The following C1QTNF3 variants were observed in gnomAD, a reference collection of about 807,000 sequenced individuals.
C1QTNF3 encodes the protein complement C1q tumor necrosis factor-related protein 3.
C1QTNF3 carries 26 observed loss-of-function variants against 32.6 expected under a neutral mutation model. That is an observed-to-expected ratio of 0.80 (90% CI 0.58 to 1.11). The LOEUF is 1.11. Among genes scored for constraint, C1QTNF3 ranks in the 50% least tolerant of loss-of-function variants. The probability of loss-of-function intolerance (pLI) is 0.00; values close to 1 mark genes in which losing one functional copy is unlikely to be tolerated. For synonymous variants in C1QTNF3, 155 were observed against 146.0 expected, an observed-to-expected ratio of 1.06 and a Z score of -0.44; for missense variants, 362 against 398.2, an observed-to-expected ratio of 0.91 and a Z score of 0.77.
chr5:34,153,989 T>G, the C1QTNF3 span, among the ~76,000 whole-genome samples: 1 of 151,396 alleles, frequency 6.6e-6, no homozygotes, highest in Non-Finnish European at 1.5e-5. Flanking sequence ...TAGTATAGAT[T>G]AATCACATAA....
chr5:34,211,141 A>G, the C1QTNF3 span, among the ~76,000 whole-genome samples: 3 of 151,470 alleles, frequency 2.0e-5, no homozygotes, highest in Non-Finnish European at 4.4e-5. Context: ...TTAGTTTCAT[A>G]TATGTACACA....
At chr5:34,168,368 G>T in the C1QTNF3 span, 1 of 150,972 alleles carries the variant, frequency 6.6e-6, no homozygotes, top group South Asian at 2.1e-4. Context: ...AACTGAATTT[G>T]CCAAAATGGG....
the C1QTNF3 span, among the ~76,000 whole-genome samples, chr5:34,236,077 C>T: frequency 2.6e-5 from 4 of 152,148 alleles, no homozygotes; most frequent in African/African-American, 4.8e-5. Context: ...CAGAAGAGTG[C>T]ATGTTGGGAT....
chr5:34,058,467 G>A, the C1QTNF3 span, among the ~76,000 whole-genome samples: 3 of 152,174 alleles, frequency 2.0e-5, no homozygotes, highest in South Asian at 4.1e-4. Context: ...TTGCTTTCCC[G>A]GCTCACTGGG....
rs907585003 is a variant in C1QTNF3 at position 34,019,947 on chromosome 5, T to C, written c.*636A>G. 2 of 152,304 alleles carry C rather than the reference T, an allele frequency of 1.3e-5. No homozygotes were observed. The highest frequency in any genetic ancestry group is 2.9e-5 in the Non-Finnish European group (2 of 68,114). The allele number at this position is 152,304 out of a possible 1,614,324, so 9.4% of individuals were successfully genotyped here. ...ACCCCACATCCGAAGTTGGGGGCGA[T>C]GTGGGGGAACATACACAAAATTACA... On this transcript the variant is annotated 3_prime_UTR_variant, in exon 6 of 6. Transcript: ENST00000382065.
chr5:34,057,047 A>T, the C1QTNF3 span, among the ~76,000 whole-genome samples: 1 of 152,208 alleles, frequency 6.6e-6, no homozygotes, highest in Admixed American at 6.5e-5. Context: ...AATGTTCAGG[A>T]ATCTGTGAGA....
At chr5:34,119,675 T>C in the C1QTNF3 span, among the ~76,000 whole-genome samples, 3 of 152,108 alleles carry the variant, frequency 2.0e-5, no homozygotes, top group Non-Finnish European at 2.9e-5. Context: ...TTCTTGCCTT[T>C]TCCAACTTTG....
At chr5:34,165,905 C>T in the C1QTNF3 span, 1 of 145,264 alleles carries the variant, frequency 6.9e-6, no homozygotes, top group Non-Finnish European at 1.5e-5. Context: ...TTTCTTTTAT[C>T]AATTCTCCTG....
At chr5:34,075,951 G>T in the C1QTNF3 span, among the ~76,000 whole-genome samples, 8 of 150,860 alleles carry the variant, frequency 5.3e-5, no homozygotes, top group Non-Finnish European at 7.4e-5. Context: ...AAAAGGAAAA[G>T]AATTTTGACA....
the C1QTNF3 span, among the ~76,000 whole-genome samples, chr5:34,054,025 T>G: frequency 5.9e-5 from 9 of 152,034 alleles, no homozygotes; most frequent in Non-Finnish European, 1.0e-4. Flanking sequence ...ACAGGCCGAG[T>G]ATGGAAAGAC....
At chr5:34,065,010 A>G in the C1QTNF3 span, among the ~76,000 whole-genome samples, 1 of 152,218 alleles carries the variant, frequency 6.6e-6, no homozygotes, top group Non-Finnish European at 1.5e-5. Flanking sequence ...TAAGTCTCCA[A>G]AAGCAATTGC....
chr5:34,240,823 A>G, the C1QTNF3 span, among the ~76,000 whole-genome samples: 1 of 152,196 alleles, frequency 6.6e-6, no homozygotes, highest in East Asian at 1.9e-4. Flanking sequence ...AAAAAAAAGA[A>G]CATTCAGGTG....
chr5:34,046,835 AG>A (rs1010222141), upstream of C1QTNF3, among the ~76,000 whole-genome samples: 4 of 152,224 alleles, frequency 2.6e-5, no homozygotes, highest in Non-Finnish European at 5.9e-5. Flanking sequence ...CAGTCTGAAA[AG>A]ATTTAGTAAA....
chr5:34,119,410 C>T, the C1QTNF3 span, among the ~76,000 whole-genome samples: 1 of 152,200 alleles, frequency 6.6e-6, no homozygotes, highest in Non-Finnish European at 1.5e-5. Context: ...GAGATTCCTC[C>T]ATGCCTCTCT....
the C1QTNF3 span, among the ~76,000 whole-genome samples, chr5:34,235,770 T>C: frequency 5.3e-5 from 8 of 152,360 alleles, no homozygotes; most frequent in South Asian, 1.4e-3. Context: ...GTCCATTTAA[T>C]ACTAATTTAG....
the C1QTNF3 span, among the ~76,000 whole-genome samples, chr5:34,092,367 C>A: frequency 6.6e-6 from 1 of 151,934 alleles, no homozygotes; most frequent in Admixed American, 6.6e-5. Context: ...TATTCATCTG[C>A]TTCTTTAAAC....
chr5:34,074,564 C>T, the C1QTNF3 span, among the ~76,000 whole-genome samples: 1 of 151,634 alleles, frequency 6.6e-6, no homozygotes, highest in Admixed American at 6.6e-5. Context: ...TCAGTTTCTC[C>T]CACTCTAAGT....
At chr5:34,099,226 A>G in the C1QTNF3 span, among the ~76,000 whole-genome samples, 3 of 152,308 alleles carry the variant, frequency 2.0e-5, no homozygotes, top group South Asian at 4.1e-4. Flanking sequence ...ATTTAAAAAT[A>G]ACAGATGGAT....
the C1QTNF3 span, among the ~76,000 whole-genome samples, chr5:34,211,105 T>G: frequency 6.6e-6 from 1 of 151,256 alleles, no homozygotes; most frequent in South Asian, 2.1e-4. Context: ...TCACTCTATA[T>G]TGTAACAAAA....
Sources: gnomAD v4.1 joint callset for allele counts (sites outside exome capture counted in the v4.1 genomes callset) on GRCh38, gnomAD v4.1.1 for gene constraint, MANE v1.5 for transcripts, NCBI Gene and HGNC (gene_info 2026-07-23, HGNC 2026-07-21) for gene names.